The following CHST9 variants were observed in gnomAD, a reference collection of about 807,000 sequenced individuals.
CHST9 encodes the protein GalNAc-4-sulfotransferase 2.
In CHST9, 41 loss-of-function variants were observed where a neutral mutation model predicts 44.4. The ratio of observed to expected loss-of-function variants is 0.92; its 90% CI spans 0.72 to 1.20. The LOEUF is 1.20. Ranked by LOEUF, CHST9 falls within the 50% of genes most tolerant of loss-of-function variation. The pLI is 0.00. For missense variants in CHST9, 504 were observed against 516.5 expected, an observed-to-expected ratio of 0.98 and a Z score of 0.23; for synonymous variants, 171 against 178.4, an observed-to-expected ratio of 0.96 and a Z score of 0.33.
chr18:27,081,599 T>G (rs1424405515), intron 2 of CHST9, among the ~76,000 whole-genome samples: 1 of 152,178 alleles, frequency 6.6e-6, no homozygotes, highest in East Asian at 1.9e-4. Flanking sequence ...ATATTTACGT[T>G]TCCTGGGTGT....
intron 4 of CHST9, among the ~76,000 whole-genome samples, chr18:27,020,937 A>G (rs554473962): frequency 6.6e-6 from 1 of 152,324 alleles, no homozygotes; most frequent in Admixed American, 6.5e-5. Flanking sequence ...AGGAAGTGCA[A>G]TCTTGCCTGT....
At chr18:27,093,627 C>T (rs2058089889) in intron 2 of CHST9, among the ~76,000 whole-genome samples, 1 of 152,216 alleles carries the variant, frequency 6.6e-6, no homozygotes, top group South Asian at 2.1e-4. Flanking sequence ...GCAAGAGTCT[C>T]CCGATTTTCC....
intron 2 of CHST9, among the ~76,000 whole-genome samples, chr18:27,069,585 C>T (rs1047089910): frequency 6.6e-6 from 1 of 152,168 alleles, no homozygotes; most frequent in African/African-American, 2.4e-5. Flanking sequence ...CAGATGCCAA[C>T]CATTACACAG....
Position 26,916,344 on chromosome 18 carries a change from T to C in CHST9, c.1247A>G (p.Asp416Gly). Residue 416 changes from aspartate to glycine, a missense_variant, in exon 6 of 6, where the codon GAT becomes GGT. By Grantham distance (94) the Asp-to-Gly change is moderately conservative. Coordinates refer to ENST00000618847, the MANE Select transcript of CHST9 (RefSeq NM_031422.6). The part of the protein sequence containing the change: ...NAQVVRQYLK[D>G]LTRTERQLIY... ...TAATTGTCTCTCAGTTCTAGTCAGATCCTTTAAATACTGTCTCACGACTTG... is the reference window on the plus strand; with the variant it reads ...TAATTGTCTCTCAGTTCTAGTCAGACCCTTTAAATACTGTCTCACGACTTG... 6.2e-7 allele frequency: 1 copy of C among 1,613,130 alleles called. No homozygotes were observed. The highest frequency in any genetic ancestry group is 8.5e-7 in the Non-Finnish European group (1 of 1,179,160).
rs1301791773 is a variant in CHST9, at chr18:26,912,114, T to C, written c.*4145A>G. ...AAGTTCGCCTGAACTTTCTTCCTCT[T>C]AGATTCTGCTTATCCTTGACTGGTC... is the stretch of plus-strand genomic sequence containing the variant. On this transcript the variant is annotated 3_prime_UTR_variant, in exon 6 of 6. Transcript: ENST00000618847. 6.6e-6 allele frequency: 1 copy of C among 152,178 alleles called. No homozygotes were observed. Among genetic ancestry groups the C allele is most frequent in the Non-Finnish European group, 1.5e-5 (1 of 68,026 alleles). The allele number at this position is 152,178 out of a possible 1,614,324, so 9.4% of individuals were successfully genotyped here.
intron 2 of CHST9, among the ~76,000 whole-genome samples, chr18:27,116,954 C>A (rs973717057): frequency 2.0e-5 from 3 of 151,794 alleles, no homozygotes; most frequent in Admixed American, 6.6e-5. Context: ...TATCCTGCCA[C>A]CTCATTGAAG....
chr18:27,067,624 C>T (rs2057795918), intron 2 of CHST9, among the ~76,000 whole-genome samples: 1 of 151,906 alleles, frequency 6.6e-6, no homozygotes, highest in African/African-American at 2.4e-5. Flanking sequence ...CAGTTCTGCT[C>T]TCGTATCTTC....
At chr18:26,936,271 A>G (rs568818789) in intron 5 of CHST9, 2 of 152,302 alleles carry the variant, frequency 1.3e-5, no homozygotes, top group East Asian at 3.9e-4. Context: ...CTTCTTTTGC[A>G]TATCGCCAGA....
At chr18:27,017,580 T>G (rs960825612) in intron 4 of CHST9, among the ~76,000 whole-genome samples, 15 of 152,178 alleles carry the variant, frequency 9.9e-5, no homozygotes, top group African/African-American at 2.9e-4. Flanking sequence ...AAGAAGTGGT[T>G]TCCTGGGAGG....
At chr18:27,115,697 G>A (rs1286637277) in intron 2 of CHST9, among the ~76,000 whole-genome samples, 1 of 152,026 alleles carries the variant, frequency 6.6e-6, no homozygotes, top group African/African-American at 2.4e-5. Flanking sequence ...TTTTTTTGTA[G>A]AGATGGGGTC....
intron 4 of CHST9, among the ~76,000 whole-genome samples, chr18:27,011,878 T>C (rs910274820): frequency 4.6e-5 from 7 of 152,208 alleles, no homozygotes; most frequent in Non-Finnish European, 1.0e-4. Context: ...TGGTGATTCC[T>C]GACAATTCCC....
chr18:27,150,483 T>C (rs2058650854), intron 1 of CHST9, among the ~76,000 whole-genome samples: 1 of 152,228 alleles, frequency 6.6e-6, no homozygotes, highest in Non-Finnish European at 1.5e-5. Context: ...CTCCCAGCTC[T>C]TACTTAGGAG....
intron 4 of CHST9, among the ~76,000 whole-genome samples, chr18:26,952,841 A>T (rs2056269567): frequency 1.3e-5 from 2 of 152,296 alleles, no homozygotes; most frequent in South Asian, 4.1e-4. Context: ...GGCAGAGAGA[A>T]ATAAGTGAAG....
chr18:26,987,252 T>G (rs2056764467), intron 4 of CHST9, among the ~76,000 whole-genome samples: 1 of 152,204 alleles, frequency 6.6e-6, no homozygotes, highest in Non-Finnish European at 1.5e-5. Context: ...AAGACATCCC[T>G]TAGGTTTTGG....
chr18:27,093,214 G>A (rs1052420006), intron 2 of CHST9, among the ~76,000 whole-genome samples: 2 of 152,244 alleles, frequency 1.3e-5, no homozygotes, highest in Non-Finnish European at 2.9e-5. Flanking sequence ...GGACCCACTT[G>A]AGGAGGCAGT....
At chr18:26,984,592 T>C (rs1200609106) in intron 4 of CHST9, among the ~76,000 whole-genome samples, 1 of 151,914 alleles carries the variant, frequency 6.6e-6, no homozygotes, top group African/African-American at 2.4e-5. Flanking sequence ...TTATCAATAA[T>C]AGGAAGATAT....
chr18:27,110,636 G>GGGGAACTGGGA (rs2058263133), intron 2 of CHST9, among the ~76,000 whole-genome samples: 1 of 152,182 alleles, frequency 6.6e-6, no homozygotes, highest in Non-Finnish European at 1.5e-5. Flanking sequence ...GGAAAAGAGT[G>GGGGAACTGGGA]GGGAACTGGG....
At chr18:26,971,786 A>G (rs572069918) in intron 4 of CHST9, among the ~76,000 whole-genome samples, 9 of 152,204 alleles carry the variant, frequency 5.9e-5, no homozygotes, top group Admixed American at 3.9e-4. Context: ...CCACTCCTCC[A>G]CTAGACCTGG....
intron 2 of CHST9, among the ~76,000 whole-genome samples, chr18:27,069,180 GA>G (rs1204382884): frequency 6.6e-6 from 1 of 152,166 alleles, no homozygotes; most frequent in Admixed American, 6.5e-5. Context: ...AATAGATAAA[GA>G]CATATTAATA....
Sources: allele counts gnomAD v4.1 joint callset (sites outside exome capture counted in the v4.1 genomes callset), GRCh38; gene constraint gnomAD v4.1.1; transcripts MANE v1.5; gene names NCBI Gene and HGNC (gene_info 2026-07-23, HGNC 2026-07-21).